The following ST14 variants were observed in gnomAD, a reference collection of about 807,000 sequenced individuals.
The protein encoded by ST14 is ST14 transmembrane serine protease matriptase, also known as suppressor of tumorigenicity 14 protein.
ST14 carries 40 observed loss-of-function variants against 96.5 expected under a neutral mutation model. That is an observed-to-expected ratio of 0.41 (90% CI 0.32 to 0.54). ST14 has a LOEUF of 0.54. Among genes scored for constraint, ST14 ranks in the 20% least tolerant of loss-of-function variants. The probability of loss-of-function intolerance (pLI) is 0.17; values close to 1 mark genes in which losing one functional copy is unlikely to be tolerated. For missense variants in ST14, 1,066 were observed against 1,188.9 expected, an observed-to-expected ratio of 0.90 and a Z score of 1.52; for synonymous variants, 506 against 492.1, an observed-to-expected ratio of 1.03 and a Z score of -0.37.
In ST14 at chr11:130,200,004, G is replaced by A; in HGVS notation, c.1861G>A (p.Ala621Thr). ...GGCTCGTGTTGTTGGGGGCACGGATGCGGATGAGGGCGAGTGGCCCTGGCA... is the reference window on the plus strand; with the variant it reads ...GGCTCGTGTTGTTGGGGGCACGGATACGGATGAGGGCGAGTGGCCCTGGCA... ...RQARVVGGTDADEGEWPWQVS... is the reference protein window; with the variant it reads ...RQARVVGGTDTDEGEWPWQVS... The change falls in exon 16 of 19, where the codon GCG (alanine) becomes ACG (threonine). Residue 621 changes from alanine (A) to threonine (T), a missense_variant. Physicochemically the swap from Ala to Thr is moderately conservative, Grantham distance 58. Coordinates refer to ENST00000278742, the MANE Select transcript of ST14 (RefSeq NM_021978.4). The A allele has an allele frequency of 6.2e-7, 1 of 1,614,076 alleles. No individual in the cohort carries two copies. The highest frequency in any genetic ancestry group is 8.5e-7 in the Non-Finnish European group (1 of 1,179,964).
chr11:130,169,621 C>T (rs1231277504), intron 1 of ST14, among the ~76,000 whole-genome samples: 1 of 152,008 alleles, frequency 6.6e-6, no homozygotes, highest in African/African-American at 2.4e-5. Context: ...AGCGGTGAAA[C>T]GGGAAGTCTG....
chr11:130,204,690 C>A (rs1451148442), intron 16 of ST14, among the ~76,000 whole-genome samples: 1 of 151,538 alleles, frequency 6.6e-6, no homozygotes, highest in South Asian at 2.1e-4. Flanking sequence ...CATGCACCTG[C>A]ACTCCCAGCT....
At position 130,199,896 on chromosome 11, in the gene ST14, G is replaced by T; in HGVS notation, c.1808-55G>T. 2.5e-6 allele frequency: 4 copies of T among 1,608,598 alleles called. No homozygotes were observed. The South Asian group carries it at 4.4e-5, about 18-fold the overall frequency. On this transcript the variant is annotated intron_variant, in intron 15 of 18. Transcript: ENST00000278742. ...TGGCACACACTGCATGTCCCCTTGT[G>T]GTTTGATGTCCCCACCTTGACTTGC...
At chr11:130,196,735 G>A in intron 11 of ST14, 35 bp downstream of exon 11, 1 of 1,614,080 alleles carries the variant, frequency 6.2e-7, no homozygotes, top group South Asian at 1.1e-5. Flanking sequence ...GGCTGGCGGG[G>A]GCCTGCACCG....
At chr11:130,196,249 C>A in intron 9 of ST14, 90 bp from the exon 10 acceptor site, 1 of 982,584 alleles carries the variant, frequency 1.0e-6, no homozygotes, top group Non-Finnish European at 1.6e-6. Context: ...CCATCTCTCC[C>A]TGGTCCATGC....
chr11:130,167,655 A>G (rs1953054384), intron 1 of ST14, among the ~76,000 whole-genome samples: 1 of 152,060 alleles, frequency 6.6e-6, no homozygotes, highest in Admixed American at 6.5e-5. Flanking sequence ...GGTGTTGGAG[A>G]GGGATCTCCC....
intron 1 of ST14, among the ~76,000 whole-genome samples, chr11:130,186,965 A>G (rs182227205): frequency 1.0e-3 from 158 of 152,374 alleles, no homozygotes; most frequent in African/African-American, 3.7e-3. Context: ...AATTGGAGTT[A>G]CAAGTATCCT....
intron 16 of ST14, among the ~76,000 whole-genome samples, chr11:130,202,523 T>A (rs1953439969): frequency 6.6e-6 from 1 of 152,120 alleles, no homozygotes; most frequent in Admixed American, 6.5e-5. Flanking sequence ...AACATGGGTG[T>A]CTGAACTGAG....
chr11:130,209,919 C>A lies in ST14; in HGVS notation c.*96C>A. 7.0e-7 allele frequency: 1 copy of A among 1,434,552 alleles called. No individual in the cohort carries two copies. Among genetic ancestry groups the A allele is most frequent in the Non-Finnish European group, 9.6e-7 (1 of 1,043,622 alleles). The allele number at this position is 1,434,552 out of a possible 1,614,324, so 88.9% of individuals were successfully genotyped here. ...GCTGGAGACTGGACCGCTGACTGCA[C>A]CAGCGCCCCCAGAACATACACTGTG... On this transcript the variant is annotated 3_prime_UTR_variant, in exon 19 of 19. Transcript: ENST00000278742.
chr11:130,194,212 C>T lies in ST14; in HGVS notation c.939C>T (p.Leu313=), dbSNP rs1047249944. 5.6e-6 allele frequency: 9 copies of T among 1,614,098 alleles called. No individual in the cohort carries two copies. The African/African-American group carries it at 6.7e-5, about 12-fold the overall frequency. Residue 313 remains leucine (L), a synonymous_variant, in exon 8 of 19, where the codon CTC becomes CTT. Coordinates refer to ENST00000278742, the MANE Select transcript of ST14 (RefSeq NM_021978.4). ...TCCACTCCTCCCAGAACGTCCTGCTCATCACACTGATAACCAACACTGAGC... is the reference window on the plus strand; with the variant it reads ...TCCACTCCTCCCAGAACGTCCTGCTTATCACACTGATAACCAACACTGAGC... ...LTFHSSQNVL[L]ITLITNTERR... is the part of the protein sequence containing the mutation.
At chr11:130,186,100 AC>A (rs1445497088) in intron 1 of ST14, among the ~76,000 whole-genome samples, 1 of 152,204 alleles carries the variant, frequency 6.6e-6, no homozygotes, top group Non-Finnish European at 1.5e-5. Flanking sequence ...GAGCCACTGC[AC>A]CCAGCTTGAG....
chr11:130,196,503 C>A, intron 10 of ST14, 55 bp downstream of exon 10: 1 of 1,573,114 alleles, frequency 6.4e-7, no homozygotes. Context: ...GGGAGGGGTC[C>A]CACCAGACCC....
intron 1 of ST14, among the ~76,000 whole-genome samples, chr11:130,185,583 G>T (rs1410315157): frequency 1.3e-5 from 2 of 152,098 alleles, no homozygotes; most frequent in Non-Finnish European, 2.9e-5. Flanking sequence ...CTGAGCTCAG[G>T]AGTTCAAGAT....
chr11:130,194,238 G>C lies in ST14; in HGVS notation c.965G>C (p.Arg322Pro), dbSNP rs753368619. 1 of 1,614,232 alleles carries C rather than the reference G, an allele frequency of 6.2e-7. No homozygotes were observed. Among genetic ancestry groups the C allele is most frequent in the Non-Finnish European group, 8.5e-7 (1 of 1,180,044 alleles). Reference protein sequence around the residue: ...LLITLITNTERRHPGFEATFF... With the variant: ...LLITLITNTEPRHPGFEATFF... ...ATCACACTGATAACCAACACTGAGCGGCGGCATCCCGGCTTTGAGGCCACC... is the reference window on the plus strand; with the variant it reads ...ATCACACTGATAACCAACACTGAGCCGCGGCATCCCGGCTTTGAGGCCACC... The change falls in exon 8 of 19, where the codon CGG (arginine) becomes CCG (proline). Residue 322 changes from arginine (R) to proline (P), a missense_variant. Physicochemically the swap from Arg to Pro is moderately radical, Grantham distance 103. Coordinates refer to ENST00000278742, the MANE Select transcript of ST14 (RefSeq NM_021978.4).
chr11:130,197,699 T>A, intron 11 of ST14, 142 bp from the exon 12 acceptor site: 1 of 673,696 alleles, frequency 1.5e-6, no homozygotes, highest in South Asian at 1.9e-5. Context: ...TTGGTGGGCC[T>A]GGGTAACCCC....
rs1209913333 is a variant in ST14, at chr11:130,200,062, T to C, written c.1919T>C (p.Ile640Thr). The C allele has an allele frequency of 1.2e-6, 2 of 1,614,098 alleles. No individual in the cohort carries two copies. Among genetic ancestry groups the C allele is most frequent in the Non-Finnish European group, 1.7e-6 (2 of 1,180,042 alleles). Residue 640 changes from isoleucine (I) to threonine (T), a missense_variant, in exon 16 of 19, where the codon ATC becomes ACC. Coordinates refer to ENST00000278742, the MANE Select transcript of ST14 (RefSeq NM_021978.4). ...CTGCATGCTCTGGGCCAGGGCCACA[T>C]CTGCGGTGCTTCCCTCATCTCTCCC... ...VSLHALGQGH[I>T]CGASLISPNW... is the part of the protein sequence containing the mutation.
chr11:130,199,862 A>G, intron 15 of ST14, 89 bp from the exon 16 acceptor site: 1 of 1,548,872 alleles, frequency 6.5e-7, no homozygotes, highest in African/African-American at 1.4e-5. Flanking sequence ...TTCCCCACAC[A>G]GGGTCTCCTG....
intron 16 of ST14, among the ~76,000 whole-genome samples, chr11:130,201,082 T>C (rs749336247): frequency 6.6e-6 from 1 of 152,262 alleles, no homozygotes; most frequent in Non-Finnish European, 1.5e-5. Flanking sequence ...CACTTTGCGC[T>C]GTGCCTGGCA....
At chr11:130,190,272 C>T in intron 6 of ST14, 124 bp downstream of exon 6, 1 of 1,483,936 alleles carries the variant, frequency 6.7e-7, no homozygotes, top group Non-Finnish European at 9.3e-7. Flanking sequence ...ACGATCTTTC[C>T]AGGCCCTTCC....
Sources: gnomAD v4.1 joint callset for allele counts (sites outside exome capture counted in the v4.1 genomes callset) on GRCh38, gnomAD v4.1.1 for gene constraint, MANE v1.5 for transcripts, NCBI Gene and HGNC (gene_info 2026-07-23, HGNC 2026-07-21) for gene names.